USH2A: variants seen among roughly 807,000 people sequenced by gnomAD.
The protein encoded by USH2A is usherin, also known as Usher syndrome 2A (autosomal recessive, mild).
USH2A carries 443 observed loss-of-function variants against 538.9 expected under a neutral mutation model. The ratio of observed to expected loss-of-function variants is 0.82; its 90% confidence interval spans 0.76 to 0.89. The LOEUF (loss-of-function observed/expected upper bound fraction) is 0.89, where lower values mean the gene tolerates loss of function less well. Ranked by LOEUF, USH2A falls within the 40% of genes least tolerant of loss-of-function variation. The pLI is 0.00. For missense variants in USH2A, 6,633 were observed against 6,324.8 expected, an observed-to-expected ratio of 1.05 and a Z score of -1.65; for synonymous variants, 2,413 against 2,273.5, an observed-to-expected ratio of 1.06 and a Z score of -1.75.
At chr1:216,201,758 G>T in intron 16 of USH2A, 1 of 228,498 alleles carries the variant, frequency 4.4e-6, no homozygotes, top group South Asian at 8.8e-5. Context: ...TGATAGAGCC[G>T]AGGAAGGTGA....
rs74671996 is a variant in USH2A, at chr1:216,073,342, G to A, written c.5573-42C>T. On this transcript the variant is annotated intron_variant, in intron 27 of 71. Transcript: ENST00000307340. ...GATTAGTATCGCATAAAGGGCTTGAGTCATTAATTACCAATCATTTTTGTC... is the reference window on the plus strand; with the variant it reads ...GATTAGTATCGCATAAAGGGCTTGAATCATTAATTACCAATCATTTTTGTC... 9.5e-4 allele frequency: 1,508 copies of A among 1,595,476 alleles called. 16 individuals carry two copies. In the African/African-American group the frequency reaches 0.018, roughly 19 times the overall value.
At chr1:216,144,720 C>T (rs969243618) in intron 21 of USH2A, among the ~76,000 whole-genome samples, 6 of 152,176 alleles carry the variant, frequency 3.9e-5, no homozygotes, top group Admixed American at 1.3e-4. Context: ...ATTCACCAAT[C>T]TTTCCTTGAT....
At chr1:215,980,465 T>C (rs533732328) in intron 35 of USH2A, among the ~76,000 whole-genome samples, 1 of 152,178 alleles carries the variant, frequency 6.6e-6, no homozygotes, top group South Asian at 2.1e-4. Context: ...ATATATACAA[T>C]ATCAATTCTA....
chr1:215,926,384 C>G (rs1666238769), intron 38 of USH2A, among the ~76,000 whole-genome samples: 1 of 152,042 alleles, frequency 6.6e-6, no homozygotes, highest in Non-Finnish European at 1.5e-5. Context: ...GTTCACTGAG[C>G]AAGTTATGCC....
intron 64 of USH2A, among the ~76,000 whole-genome samples, chr1:215,667,228 A>C (rs1178646299): frequency 6.6e-6 from 1 of 152,212 alleles, no homozygotes; most frequent in Non-Finnish European, 1.5e-5. Flanking sequence ...ATATTGAAGT[A>C]TTAGTGAACA....
intron 38 of USH2A, among the ~76,000 whole-genome samples, chr1:215,917,250 G>A (rs559768834): frequency 5.5e-4 from 83 of 151,936 alleles, no homozygotes; most frequent in Non-Finnish European, 1.1e-3. Context: ...ATTTGAATTC[G>A]TCTTAGTATT....
intron 21 of USH2A, among the ~76,000 whole-genome samples, chr1:216,151,257 T>A (rs1012046616): frequency 6.6e-6 from 1 of 152,048 alleles, no homozygotes; most frequent in Non-Finnish European, 1.5e-5. Flanking sequence ...TCAGCACTCC[T>A]TCTCACCTTT....
chr1:216,116,946 C>G (rs931879354), intron 21 of USH2A, among the ~76,000 whole-genome samples: 5 of 152,108 alleles, frequency 3.3e-5, no homozygotes, highest in African/African-American at 7.2e-5. Context: ...TACTCCACCT[C>G]ATTTAAACAG....
chr1:215,697,029 T>A (rs1275219430), intron 61 of USH2A, among the ~76,000 whole-genome samples: 1 of 152,106 alleles, frequency 6.6e-6, no homozygotes, highest in African/African-American at 2.4e-5. Flanking sequence ...CTCTGTTCAC[T>A]GCAGCCTTGA....
chr1:216,191,007 C>T (rs2034705409), intron 19 of USH2A, among the ~76,000 whole-genome samples: 1 of 151,800 alleles, frequency 6.6e-6, no homozygotes, highest in African/African-American at 2.4e-5. Context: ...ATGAAAATAG[C>T]AGATTTGAGC....
chr1:216,136,592 C>T lies in USH2A; in HGVS notation c.4627+38660G>A, dbSNP rs1009775587. Among the ~76,000 whole-genome samples the T allele has an allele frequency of 5.1e-4, 77 of 152,092 alleles. 1 individual carries two copies. The highest frequency in any genetic ancestry group is 3.7e-3 in the Admixed American group (56 of 15,264). On this transcript the variant is annotated intron_variant, in intron 21 of 71. Coordinates refer to ENST00000307340, the MANE Select transcript of USH2A (RefSeq NM_206933.4). ...ATTATGTCTCCCCAAAATTCATATG[C>T]TGTAGTCCAACCCACTCATACCTCA...
intron 11 of USH2A, among the ~76,000 whole-genome samples, chr1:216,282,056 T>G (rs1275440483): frequency 2.6e-5 from 4 of 152,094 alleles, no homozygotes; most frequent in Admixed American, 2.0e-4. Flanking sequence ...TTGAGTTATT[T>G]GTCTTTTGAT....
At chr1:215,740,584 C>A (rs1660272175) in intron 60 of USH2A, among the ~76,000 whole-genome samples, 1 of 152,114 alleles carries the variant, frequency 6.6e-6, no homozygotes, top group African/African-American at 2.4e-5. Context: ...ATGAAAAGCA[C>A]CATCTTTGGA....
chr1:216,000,624 C>T (rs1571878289), intron 32 of USH2A, 62 bp from the exon 33 acceptor site: 3 of 1,585,920 alleles, frequency 1.9e-6, no homozygotes, highest in East Asian at 2.2e-5. Context: ...GGAGATTTCA[C>T]TCCTCCACTA....
At chr1:215,813,022 T>G (rs1662740358) in intron 49 of USH2A, among the ~76,000 whole-genome samples, 1 of 152,196 alleles carries the variant, frequency 6.6e-6, no homozygotes, top group Non-Finnish European at 1.5e-5. Flanking sequence ...ACAAATTTCC[T>G]GGAGTTGTGA....
chr1:215,799,141 A>C lies in USH2A; in HGVS notation c.9740-16T>G. 1 of 1,608,568 alleles carries C rather than the reference A, an allele frequency of 6.2e-7. No individual in the cohort carries two copies. Among genetic ancestry groups the C allele is most frequent in the East Asian group, 2.2e-5 (1 of 44,694 alleles). On this transcript the variant is annotated splice_polypyrimidine_tract_variant and intron_variant, in intron 49 of 71. Coordinates refer to ENST00000307340, the MANE Select transcript of USH2A (RefSeq NM_206933.4). ...CATACTTCACCTGTCAATTTAGGACAATAATAATCATTACATCAGTTAAAA... is the reference window on the plus strand; with the variant it reads ...CATACTTCACCTGTCAATTTAGGACCATAATAATCATTACATCAGTTAAAA...
At chr1:216,321,283 T>C (rs1168962191) in intron 9 of USH2A, among the ~76,000 whole-genome samples, 1 of 152,156 alleles carries the variant, frequency 6.6e-6, no homozygotes, top group Non-Finnish European at 1.5e-5. Context: ...GAATGTTTCT[T>C]GATTTTATTT....
In USH2A at chr1:215,886,084, C is replaced by T. The variant is rs79554162; in HGVS notation, c.8223+2342G>A. Reference sequence around the variant, plus strand: ...GATGTTCACTCATGTACTGATGTTCCGTAAATGTCAATAGAACTGAAATTA... The same window carrying T: ...GATGTTCACTCATGTACTGATGTTCTGTAAATGTCAATAGAACTGAAATTA... On this transcript the variant is annotated intron_variant, in intron 41 of 71. Coordinates refer to ENST00000307340, the MANE Select transcript of USH2A (RefSeq NM_206933.4). Among the ~76,000 whole-genome samples the T allele has an allele frequency of 1.9e-3, 296 of 152,234 alleles. 1 individual carries two copies. The highest frequency in any genetic ancestry group is 3.7e-3 in the Non-Finnish European group (249 of 68,010).
At chr1:216,190,104 C>T in intron 20 of USH2A, 119 bp downstream of exon 20, 1 of 1,406,370 alleles carries the variant, frequency 7.1e-7, no homozygotes, top group Non-Finnish European at 9.8e-7. Context: ...AAGAAGCAAT[C>T]AGAGTTAGTG....
Sources: allele counts gnomAD v4.1 joint callset (sites outside exome capture counted in the v4.1 genomes callset), GRCh38; gene constraint gnomAD v4.1.1; transcripts MANE v1.5; gene names NCBI Gene and HGNC (gene_info 2026-07-23, HGNC 2026-07-21).